The following ADGRL2 variants were observed in gnomAD, a reference collection of about 807,000 sequenced individuals.
ADGRL2 encodes calcium-independent alpha-latrotoxin receptor 2.
A neutral mutation model predicts 157.4 loss-of-function variants in ADGRL2; 44 were observed. That is an observed-to-expected ratio of 0.28 (90% CI 0.22 to 0.36). The LOEUF (loss-of-function observed/expected upper bound fraction) is 0.36, where lower values mean the gene tolerates loss of function less well. Among genes scored for constraint, ADGRL2 ranks in the 10% least tolerant of loss-of-function variants. The probability of loss-of-function intolerance (pLI) is 1.00; values close to 1 mark genes in which losing one functional copy is unlikely to be tolerated. For synonymous variants in ADGRL2, 585 were observed against 624.7 expected, an observed-to-expected ratio of 0.94 and a Z score of 0.95; for missense variants, 1,510 against 1,768.9, an observed-to-expected ratio of 0.85 and a Z score of 2.63.
At chr1:81,796,791 A>C (rs2087611905), upstream of ADGRL2, among the ~76,000 whole-genome samples, 1 of 152,168 alleles carries the variant, frequency 6.6e-6, no homozygotes, top group Admixed American at 6.5e-5. Context: ...ATTAAACACA[A>C]TATGCCTTAA....
At chr1:81,765,849 C>T (rs1034327039) in intron 2 of ADGRL2, among the ~76,000 whole-genome samples, 1 of 152,030 alleles carries the variant, frequency 6.6e-6, no homozygotes, top group Non-Finnish European at 1.5e-5. Context: ...GTCATTTTGT[C>T]ATTAATCTTA....
chr1:81,390,436 T>G (rs1258581394), intron 1 of ADGRL2, among the ~76,000 whole-genome samples: 1 of 152,308 alleles, frequency 6.6e-6, no homozygotes, highest in Non-Finnish European at 1.5e-5. Flanking sequence ...GGTATTAAGG[T>G]GAAGATATGG....
At chr1:81,467,974 A>G (rs1386073981) in intron 2 of ADGRL2, among the ~76,000 whole-genome samples, 1 of 152,218 alleles carries the variant, frequency 6.6e-6, no homozygotes, top group Non-Finnish European at 1.5e-5. Context: ...TTTTCTAAAT[A>G]CTTTGTAGAC....
intron 15 of ADGRL2, among the ~76,000 whole-genome samples, 180 bp from the exon 16 acceptor site, chr1:81,970,134 G>A (rs2149322875): frequency 6.6e-6 from 1 of 152,180 alleles, no homozygotes; most frequent in South Asian, 2.1e-4. Context: ...CTTCAGATTT[G>A]TCAGGGTTTT....
At chr1:81,567,790 G>T (rs2080596126) in intron 2 of ADGRL2, among the ~76,000 whole-genome samples, 1 of 152,016 alleles carries the variant, frequency 6.6e-6, no homozygotes, top group Non-Finnish European at 1.5e-5. Flanking sequence ...TTAAAATATT[G>T]TTGAAACAAA....
At position 81,703,161 on chromosome 1, in the gene ADGRL2, CA is replaced by C. The variant is rs541289055; in HGVS notation, c.-143+3354del. On this transcript the variant is annotated intron_variant, in intron 1 of 20. Coordinates refer to the ADGRL2 transcript ENST00000359929. Reference sequence around the variant, plus strand: ...TTTGTGGGCTGAAATATGTATTCCACAGAAGACATATTTCAAGGGCATGAGA... The same window carrying C: ...TTTGTGGGCTGAAATATGTATTCCACGAAGACATATTTCAAGGGCATGAGA... Among the ~76,000 whole-genome samples the C allele has an allele frequency of 1.8e-4, 27 of 152,206 alleles. No homozygotes were observed. In the South Asian group the frequency reaches 5.2e-3, roughly 29 times the overall value.
intron 2 of ADGRL2, among the ~76,000 whole-genome samples, chr1:81,467,598 C>T (rs1209745169): frequency 6.6e-6 from 1 of 152,130 alleles, no homozygotes; most frequent in African/African-American, 2.4e-5. Context: ...ACTTAATAAA[C>T]TCCATTGTGC....
intron 3 of ADGRL2, among the ~76,000 whole-genome samples, chr1:81,682,103 A>ATACATATATATGTGTGTGTGTG (rs141980830): frequency 9.5e-5 from 14 of 147,928 alleles, no homozygotes; most frequent in Non-Finnish European, 1.9e-4. Context: ...ATACATATAT[A>ATACATATATATGTGTGTGTGTG]TGTGTGTGTG....
At chr1:81,579,313 G>A (rs980928120) in intron 2 of ADGRL2, 3 of 152,088 alleles carry the variant, frequency 2.0e-5, no homozygotes, top group Admixed American at 6.6e-5. Context: ...CAAGATCACT[G>A]TTTGGCAATA....
intron 17 of ADGRL2, among the ~76,000 whole-genome samples, chr1:81,972,598 C>A (rs1165088325): frequency 6.6e-6 from 1 of 152,072 alleles, no homozygotes; most frequent in South Asian, 2.1e-4. Context: ...GCTACAGTAT[C>A]TAGACTTTGG....
intron 10 of ADGRL2, among the ~76,000 whole-genome samples, chr1:81,954,635 A>G (rs1254611999): frequency 1.3e-5 from 2 of 152,160 alleles, no homozygotes; most frequent in Non-Finnish European, 1.5e-5. Flanking sequence ...TGGCTGCCGC[A>G]GTATCAGTGT....
Position 81,897,406 on chromosome 1 carries a change from T to A in ADGRL2, c.74-9611T>A, listed in dbSNP as rs141660763. On this transcript the variant is annotated intron_variant, in intron 2 of 23. Coordinates refer to ENST00000686636, the MANE Select transcript of ADGRL2 (RefSeq NM_001366006.2). ...TGGCATATATTATTTTTAATAGATG[T>A]GCTTATCAGGAATTTTTTTAAGTTA... Among the ~76,000 whole-genome samples, 39 of 152,290 alleles carry A rather than the reference T, an allele frequency of 2.6e-4. 1 individual carries two copies. The East Asian group carries it at 7.5e-3, about 29-fold the overall frequency.
At chr1:81,950,631 T>G in intron 7 of ADGRL2, 149 bp downstream of exon 7, 1 of 761,044 alleles carries the variant, frequency 1.3e-6, no homozygotes, top group Non-Finnish European at 2.1e-6. Flanking sequence ...TGGACAAAGT[T>G]TTTTAAACTG....
At chr1:81,883,426 A>G (rs948069649) in intron 2 of ADGRL2, among the ~76,000 whole-genome samples, 11 of 152,050 alleles carry the variant, frequency 7.2e-5, no homozygotes, top group African/African-American at 2.2e-4. Flanking sequence ...AGCTTTGACT[A>G]TTGCTTTGAT....
intron 1 of ADGRL2, among the ~76,000 whole-genome samples, chr1:81,380,608 A>G (rs6695272): frequency 0.48 from 72,424 of 152,000 alleles, 17,727 homozygotes; most frequent in East Asian, 0.71. Context: ...ATCCAATACC[A>G]TTTTTGACTA....
intron 3 of ADGRL2, among the ~76,000 whole-genome samples, chr1:81,649,279 T>G (rs2082367918): frequency 6.6e-6 from 1 of 152,210 alleles, no homozygotes; most frequent in Admixed American, 6.5e-5. Context: ...CTTTTCTCGC[T>G]GCTTTCCCTG....
At chr1:81,565,744 G>T (rs144166445) in intron 2 of ADGRL2, among the ~76,000 whole-genome samples, 2 of 152,256 alleles carry the variant, frequency 1.3e-5, no homozygotes, top group Non-Finnish European at 2.9e-5. Flanking sequence ...GACCAGAAAA[G>T]CACATTAGCC....
intron 3 of ADGRL2, among the ~76,000 whole-genome samples, chr1:81,676,288 T>A (rs1057332429): frequency 2.0e-5 from 3 of 150,146 alleles, no homozygotes; most frequent in Non-Finnish European, 4.5e-5. Context: ...GGCTTACAGG[T>A]GAGAGCCACC....
intron 1 of ADGRL2, among the ~76,000 whole-genome samples, chr1:81,314,016 G>A (rs138140854): frequency 2.0e-4 from 31 of 152,188 alleles, no homozygotes; most frequent in Non-Finnish European, 3.4e-4. Flanking sequence ...GTGTAATTAC[G>A]TCGATAGTGA....
Sources: gnomAD v4.1 joint callset for allele counts (sites outside exome capture counted in the v4.1 genomes callset) on GRCh38, gnomAD v4.1.1 for gene constraint, MANE v1.5 for transcripts, NCBI Gene and HGNC (gene_info 2026-07-23, HGNC 2026-07-21) for gene names.